SPECC1: variants seen among roughly 807,000 people sequenced by gnomAD.
The protein encoded by SPECC1 is sperm antigen with calponin homology and coiled-coil domains 1.
A neutral mutation model predicts 104.1 loss-of-function variants in SPECC1; 62 were observed. The ratio of observed to expected loss-of-function variants is 0.60; its 90% CI spans 0.49 to 0.74. The LOEUF (loss-of-function observed/expected upper bound fraction) is 0.74, where lower values mean the gene tolerates loss of function less well. Ranked by LOEUF, SPECC1 falls within the 30% of genes least tolerant of loss-of-function variation. The pLI is 0.00. For synonymous variants in SPECC1, 513 were observed against 501.6 expected, an observed-to-expected ratio of 1.02 and a Z score of -0.30; for missense variants, 1,306 against 1,310.5, an observed-to-expected ratio of 1.00 and a Z score of 0.05.
At chr17:20,097,082 C>T (rs998610338) in intron 2 of SPECC1, among the ~76,000 whole-genome samples, 1 of 152,180 alleles carries the variant, frequency 6.6e-6, no homozygotes, top group South Asian at 2.1e-4. Context: ...GCCCCAAGCA[C>T]GGCCCTGGAT....
At chr17:20,040,108 C>T (rs1287824138) in intron 1 of SPECC1, among the ~76,000 whole-genome samples, 1 of 151,370 alleles carries the variant, frequency 6.6e-6, no homozygotes, top group African/African-American at 2.4e-5. Flanking sequence ...TGGTTATTAT[C>T]TCTTTGTATA....
chr17:20,060,100 C>G (rs1215311221), intron 1 of SPECC1, among the ~76,000 whole-genome samples: 1 of 152,032 alleles, frequency 6.6e-6, no homozygotes, highest in Non-Finnish European at 1.5e-5. Flanking sequence ...AACTTTGGGG[C>G]TCTTCTAAAG....
At position 20,314,429 on chromosome 17, in the gene SPECC1, A is replaced by G. The variant is rs2042007454; in HGVS notation, c.*364A>G. 3.3e-6 allele frequency: 1 copy of G among 299,502 alleles called. No homozygotes were observed. Among genetic ancestry groups the G allele is most frequent in the Non-Finnish European group, 6.4e-6 (1 of 155,056 alleles). 18.6% of individuals were successfully genotyped at this position (299,502 alleles called of 1,614,324 possible). ...AAATTCAGACAAAGAACATCTCCAA[A>G]TCAGTCTTTTGGTTGCTGTTGTTAA... On this transcript the variant is annotated 3_prime_UTR_variant, in exon 15 of 15. Coordinates refer to ENST00000395527, the MANE Select transcript of SPECC1 (RefSeq NM_001243439.2).
At chr17:20,059,426 C>T (rs1279111314) in intron 1 of SPECC1, among the ~76,000 whole-genome samples, 2 of 152,096 alleles carry the variant, frequency 1.3e-5, no homozygotes, top group Non-Finnish European at 2.9e-5. Flanking sequence ...TGGTAATGCT[C>T]GCTTGCCTAT....
At position 20,317,056 on chromosome 17, in the gene SPECC1, T is replaced by A. The variant is rs1598191655; in HGVS notation, c.*2991T>A. On this transcript the variant is annotated 3_prime_UTR_variant, in exon 15 of 15. Transcript: ENST00000395527. ...ACTCCAGGAGTTTCCCCGACTACCA[T>A]TTTTTTTTTTTTTATTTGCCAGTGG... 1.2e-4 allele frequency: 2 copies of A among 16,510 alleles called. No individual in the cohort carries two copies. The highest frequency in any genetic ancestry group is 1.8e-4 in the Non-Finnish European group (2 of 10,920). 1.0% of individuals were successfully genotyped at this position (16,510 alleles called of 1,614,324 possible). A position where few individuals can be genotyped will look rare whatever the true frequency, so the allele number is the denominator to read the frequency against.
chr17:20,201,620 T>C (rs537321662), intron 3 of SPECC1, among the ~76,000 whole-genome samples: 12 of 152,382 alleles, frequency 7.9e-5, no homozygotes, highest in African/African-American at 2.9e-4. Flanking sequence ...TTTAGTTATC[T>C]TCCAGTTTTT....
chr17:20,097,654 T>G (rs1224673434), intron 2 of SPECC1, among the ~76,000 whole-genome samples: 1 of 152,146 alleles, frequency 6.6e-6, no homozygotes, highest in Non-Finnish European at 1.5e-5. Context: ...CCAAGCATGG[T>G]GCCGGCTCCC....
intron 1 of SPECC1, among the ~76,000 whole-genome samples, chr17:20,089,558 C>T (rs56344048): frequency 0.074 from 11,296 of 151,938 alleles, 464 homozygotes; most frequent in Middle Eastern, 0.085. Flanking sequence ...CCCAGGGGGT[C>T]GAGGCTGTAG....
chr17:20,245,573 T>C (rs2039387089), intron 7 of SPECC1, among the ~76,000 whole-genome samples: 1 of 152,124 alleles, frequency 6.6e-6, no homozygotes, highest in African/African-American at 2.4e-5. Context: ...CATTCACCAT[T>C]GACAGTAGGT....
intron 1 of SPECC1, among the ~76,000 whole-genome samples, chr17:20,048,368 C>T (rs531954948): frequency 4.1e-4 from 63 of 152,074 alleles, no homozygotes; most frequent in African/African-American, 1.4e-3. Flanking sequence ...CTCCTGACCT[C>T]GTGATCTGTC....
At chr17:20,302,174 C>T (rs2041610143) in intron 13 of SPECC1, among the ~76,000 whole-genome samples, 1 of 152,238 alleles carries the variant, frequency 6.6e-6, no homozygotes, top group Admixed American at 6.5e-5. Flanking sequence ...GGATTGGCAT[C>T]TTTCTCCCGT....
chr17:20,156,107 C>A, intron 3 of SPECC1: 2 of 1,360,846 alleles, frequency 1.5e-6, no homozygotes, highest in Admixed American at 3.9e-5. Flanking sequence ...CCGGACGCAA[C>A]CGCCTCGCCA....
chr17:20,034,296 A>C (rs1424055639), intron 1 of SPECC1, among the ~76,000 whole-genome samples: 1 of 151,796 alleles, frequency 6.6e-6, no homozygotes, highest in South Asian at 2.1e-4. Flanking sequence ...ACGGGGTTTC[A>C]CCATGTTGGC....
chr17:20,076,774 A>G (rs1451550786), intron 1 of SPECC1, among the ~76,000 whole-genome samples: 1 of 152,222 alleles, frequency 6.6e-6, no homozygotes, highest in Non-Finnish European at 1.5e-5. Context: ...CTTTATATCA[A>G]CACAGTGTGG....
chr17:20,121,302 A>C (rs572365743), intron 3 of SPECC1, among the ~76,000 whole-genome samples: 24 of 151,918 alleles, frequency 1.6e-4, no homozygotes, highest in Non-Finnish European at 2.9e-4. Flanking sequence ...ACTTTTTCTA[A>C]TTGGTTTTAT....
intron 3 of SPECC1, among the ~76,000 whole-genome samples, chr17:20,129,740 GTT>G (rs2049511058): frequency 6.6e-6 from 1 of 151,702 alleles, no homozygotes; most frequent in African/African-American, 2.4e-5. Flanking sequence ...TGTTGTTGTT[GTT>G]GTTGTTTTGT....
chr17:20,108,558 C>G (rs186649979), intron 2 of SPECC1, among the ~76,000 whole-genome samples: 3 of 152,288 alleles, frequency 2.0e-5, no homozygotes, highest in Non-Finnish European at 4.4e-5. Flanking sequence ...AGCTTTTAAA[C>G]TTAATACAAG....
In SPECC1 at chr17:20,091,430, G is replaced by A. The variant is rs1311350373; in HGVS notation, c.-21-5201G>A. On this transcript the variant is annotated intron_variant, in intron 1 of 14. Transcript: ENST00000395527. ...TTCTTCCTCTGGAAGTCTCTCCACC[G>A]TGGCACTGCTGACATTGTAGGCCAG... 3.9e-5 allele frequency among the ~76,000 whole-genome samples: 6 copies of A among 152,156 alleles called. 1 individual carries two copies. Among genetic ancestry groups the A allele is most frequent in the African/African-American group, 9.7e-5 (4 of 41,440 alleles).
intron 1 of SPECC1, among the ~76,000 whole-genome samples, chr17:20,026,941 G>A (rs2044623262): frequency 6.6e-6 from 1 of 150,812 alleles, no homozygotes; most frequent in Non-Finnish European, 1.5e-5. Flanking sequence ...ATCTTTGCCA[G>A]CATCCATTAT....
Sources: gnomAD v4.1 joint callset for allele counts (sites outside exome capture counted in the v4.1 genomes callset) on GRCh38, gnomAD v4.1.1 for gene constraint, MANE v1.5 for transcripts, NCBI Gene and HGNC (gene_info 2026-07-23, HGNC 2026-07-21) for gene names.